CHCHD3: variants seen among roughly 807,000 people sequenced by gnomAD.
CHCHD3 encodes the protein MICOS complex subunit MIC19.
CHCHD3 carries 20 observed loss-of-function variants against 38.2 expected under a neutral mutation model. That is an observed-to-expected ratio of 0.52 (90% CI 0.37 to 0.76). CHCHD3 has a LOEUF of 0.76. Among genes scored for constraint, CHCHD3 ranks in the 30% least tolerant of loss-of-function variants. The pLI is 0.00. For synonymous variants in CHCHD3, 82 were observed against 100.0 expected, an observed-to-expected ratio of 0.82 and a Z score of 1.07; for missense variants, 245 against 279.2, an observed-to-expected ratio of 0.88 and a Z score of 0.87.
At chr7:132,995,261 G>A (rs1282067550) in intron 3 of CHCHD3, among the ~76,000 whole-genome samples, 1 of 152,022 alleles carries the variant, frequency 6.6e-6, no homozygotes, top group Non-Finnish European at 1.5e-5. Context: ...ACAGAAAGCT[G>A]CACATACTTA....
chr7:133,012,973 G>A (rs113025629), intron 3 of CHCHD3, among the ~76,000 whole-genome samples: 72 of 151,168 alleles, frequency 4.8e-4, no homozygotes, highest in Admixed American at 1.5e-3. Context: ...ATCACCTGGG[G>A]TCAGGAGTTT....
chr7:132,984,661 G>A lies in CHCHD3; in HGVS notation c.252-9375C>T, dbSNP rs1401230835. The stretch of plus-strand genomic sequence containing the variant: ...GCCCATCGTCTGAGATGTGGGGAGT[G>A]CCTCTGCCCTGCCGCCCCGTCTGGG... On this transcript the variant is annotated intron_variant, in intron 3 of 7. Transcript: ENST00000262570. Among the ~76,000 whole-genome samples the A allele has an allele frequency of 5.7e-4, 85 of 149,586 alleles. 1 individual carries two copies. Among genetic ancestry groups the A allele is most frequent in the African/African-American group, 2.0e-3 (81 of 40,628 alleles).
intron 1 of CHCHD3, among the ~76,000 whole-genome samples, chr7:133,073,328 C>G (rs1325622091): frequency 1.3e-5 from 2 of 152,040 alleles, no homozygotes; most frequent in Non-Finnish European, 2.9e-5. Context: ...TACTGGCACT[C>G]TCATCCAATC....
intron 4 of CHCHD3, among the ~76,000 whole-genome samples, chr7:132,937,284 T>C (rs565563253): frequency 6.6e-6 from 1 of 152,214 alleles, no homozygotes; most frequent in Non-Finnish European, 1.5e-5. Context: ...GATTTGCTCA[T>C]GTATACAGCT....
chr7:132,895,035 G>A (rs199530064), intron 4 of CHCHD3, among the ~76,000 whole-genome samples: 1 of 152,138 alleles, frequency 6.6e-6, no homozygotes, highest in East Asian at 1.9e-4. Context: ...GGATTTTATT[G>A]GTGAAAATGG....
intron 5 of CHCHD3, among the ~76,000 whole-genome samples, chr7:132,843,528 A>G (rs1807995223): frequency 6.6e-6 from 1 of 152,204 alleles, no homozygotes; most frequent in Non-Finnish European, 1.5e-5. Flanking sequence ...AGGTACTCCA[A>G]ATTAGTGATT....
At chr7:132,901,153 G>C (rs904047552) in intron 4 of CHCHD3, among the ~76,000 whole-genome samples, 2 of 152,168 alleles carry the variant, frequency 1.3e-5, no homozygotes, top group Admixed American at 6.5e-5. Flanking sequence ...CCCCAAACCC[G>C]TAGTGAGGGA....
chr7:133,081,922 T>G lies in CHCHD3; in HGVS notation c.16A>C (p.Ser6Arg), dbSNP rs1278996644. The change falls in exon 1 of 8, where the codon AGC (serine) becomes CGC (arginine). Residue 6 changes from serine to arginine, a missense_variant. Transcript: ENST00000262570. The stretch of plus-strand genomic sequence containing the variant: ...GCCTCGAAGGTGACCCGGCGGGTGC[T>G]GGTGGTCCCACCCATGATTCCGGTT... MGGTT[S>R]TRRVTFEADE... is the part of the protein sequence containing the mutation. 6.4e-7 allele frequency: 1 copy of G among 1,555,380 alleles called. No individual in the cohort carries two copies.
chr7:132,950,327 A>C (rs1368119159), intron 4 of CHCHD3, among the ~76,000 whole-genome samples: 3 of 152,222 alleles, frequency 2.0e-5, no homozygotes, highest in African/African-American at 7.2e-5. Context: ...GAGTAAATGC[A>C]TTATAAAAAA....
At chr7:132,886,983 A>G in intron 4 of CHCHD3, 1 of 1,301,468 alleles carries the variant, frequency 7.7e-7, no homozygotes, top group Non-Finnish European at 9.8e-7. Flanking sequence ...CTTTGTCTTC[A>G]ATATCCTGCA....
At chr7:132,894,516 C>T (rs1423025253) in intron 4 of CHCHD3, among the ~76,000 whole-genome samples, 1 of 152,208 alleles carries the variant, frequency 6.6e-6, no homozygotes, top group Admixed American at 6.5e-5. Context: ...AATATGTTTC[C>T]TATGGCACTT....
intron 5 of CHCHD3, among the ~76,000 whole-genome samples, chr7:132,847,712 T>C (rs930407276): frequency 6.6e-6 from 1 of 152,204 alleles, no homozygotes; most frequent in Non-Finnish European, 1.5e-5. Context: ...AGTTCTAAAT[T>C]TGATCAAAAG....
chr7:132,940,497 C>T lies in CHCHD3; in HGVS notation c.369+34672G>A, dbSNP rs1376477976. 2.0e-5 allele frequency among the ~76,000 whole-genome samples: 3 copies of T among 152,260 alleles called. No individual in the cohort carries two copies. The East Asian group carries it at 5.8e-4, about 29-fold the overall frequency. ...ATTTCATTCCCTGCATCCTTACAGG[C>T]AATTGGATTGAAAGTGGTGGAGCGG... On this transcript the variant is annotated intron_variant, in intron 4 of 7. Coordinates refer to ENST00000262570, the MANE Select transcript of CHCHD3 (RefSeq NM_017812.4).
chr7:132,911,331 T>C (rs1431409909), intron 4 of CHCHD3, among the ~76,000 whole-genome samples: 1 of 152,122 alleles, frequency 6.6e-6, no homozygotes, highest in East Asian at 1.9e-4. Flanking sequence ...AGAACATCAT[T>C]AACTACCTGT....
In CHCHD3 at chr7:132,877,591, TA is replaced by T. The variant is rs934859814; in HGVS notation, c.453+8070del. ...TTAAACTATCATTACTTGTTGATGA[TA>T]AAAAAAATTGAGAGTAACTCAATGT... is the stretch of plus-strand genomic sequence containing the variant. On this transcript the variant is annotated intron_variant, in intron 5 of 7. Coordinates refer to ENST00000262570, the MANE Select transcript of CHCHD3 (RefSeq NM_017812.4). Among the ~76,000 whole-genome samples, 7 of 152,188 alleles carry T rather than the reference TA, an allele frequency of 4.6e-5. No homozygotes were observed. The East Asian group carries it at 1.2e-3, about 25-fold the overall frequency.
intron 2 of CHCHD3, among the ~76,000 whole-genome samples, chr7:133,046,169 T>C (rs758382199): frequency 6.6e-6 from 1 of 152,218 alleles, no homozygotes; most frequent in Non-Finnish European, 1.5e-5. Context: ...GCATAAATGT[T>C]TATAAACATG....
At chr7:132,864,016 T>C (rs1009760403) in intron 5 of CHCHD3, among the ~76,000 whole-genome samples, 1 of 152,240 alleles carries the variant, frequency 6.6e-6, no homozygotes, top group Admixed American at 6.5e-5. Flanking sequence ...TTTCTTATCA[T>C]TGATGTGTTC....
chr7:132,881,353 C>CA (rs1334746550), intron 5 of CHCHD3, among the ~76,000 whole-genome samples: 1 of 152,136 alleles, frequency 6.6e-6, no homozygotes, highest in Non-Finnish European at 1.5e-5. Flanking sequence ...AGCTGTATTA[C>CA]AGAACTAAAT....
chr7:132,963,795 C>T (rs1056396023), intron 4 of CHCHD3, among the ~76,000 whole-genome samples: 1 of 151,994 alleles, frequency 6.6e-6, no homozygotes. Context: ...TCTTTCCTAT[C>T]ATTCTATCAG....
Sources: gnomAD v4.1 joint callset for allele counts (sites outside exome capture counted in the v4.1 genomes callset) on GRCh38, gnomAD v4.1.1 for gene constraint, MANE v1.5 for transcripts, NCBI Gene and HGNC (gene_info 2026-07-23, HGNC 2026-07-21) for gene names.